Variants in PURB observed in about 807,000 individuals in gnomAD.
The protein encoded by PURB is transcriptional regulator protein Pur-beta.
Under a neutral mutation model 21.1 loss-of-function variants are expected in PURB, and 11 were observed. The observed-to-expected ratio is 0.52, with a 90% confidence interval of 0.33 to 0.86. The LOEUF (loss-of-function observed/expected upper bound fraction) is 0.86, where lower values mean the gene tolerates loss of function less well. Ranked by LOEUF, PURB falls within the 40% of genes least tolerant of loss-of-function variation. The probability of loss-of-function intolerance (pLI) is 0.02; values close to 1 mark genes in which losing one functional copy is unlikely to be tolerated. For missense variants in PURB, 357 were observed against 456.5 expected (o/e 0.78, Z 1.99); for synonymous variants, 246 against 210.8 (o/e 1.17, Z -1.45).
Position 44,885,373 on chromosome 7 carries a change from A to G in PURB, c.-25T>C. The G allele has an allele frequency of 2.0e-6, 2 of 1,017,644 alleles. No homozygotes were observed. Among genetic ancestry groups the G allele is most frequent in the Non-Finnish European group, 2.4e-6 (2 of 822,794 alleles). 63.0% of individuals were successfully genotyped at this position (1,017,644 alleles called of 1,614,324 possible). On this transcript the variant is annotated 5_prime_UTR_variant, in exon 1 of 1. Transcript: ENST00000395699. ...TCTTCTAGGCCGCCGCCTCGCCGCC[A>G]CCGCCCGCCGCGCTCGCGCCCCCGC... is the stretch of plus-strand genomic sequence containing the variant.
rs770929116 is a variant in PURB at position 44,885,162 on chromosome 7, C to T, written c.187G>A (p.Glu63Lys). ...NAKGRFLKIA[E>K]VGAGGSKSRL... Reference sequence around the variant, plus strand: ...CTCTTGGAACCGCCCGCGCCCACCTCGGCGATCTTGAGGAAGCGGCCCTTG... The same window carrying T: ...CTCTTGGAACCGCCCGCGCCCACCTTGGCGATCTTGAGGAAGCGGCCCTTG... Residue 63 changes from glutamate to lysine, a missense_variant, in exon 1 of 1, where the codon GAG becomes AAG. Transcript: ENST00000395699. The T allele has an allele frequency of 6.3e-7, 1 of 1,581,302 alleles. No individual in the cohort carries two copies. The highest frequency in any genetic ancestry group is 1.4e-5 in the African/African-American group (1 of 71,178).
Position 44,880,959 on chromosome 7 carries a change from T to A in PURB, c.*3451A>T, listed in dbSNP as rs1398908338. On this transcript the variant is annotated 3_prime_UTR_variant, in exon 1 of 1. Transcript: ENST00000395699. ...TGCCATACAGATTTATATTTTGTTCTTGTGCAGCATATGCACTGAAAAACT... is the reference window on the plus strand; with the variant it reads ...TGCCATACAGATTTATATTTTGTTCATGTGCAGCATATGCACTGAAAAACT... The A allele has an allele frequency of 6.6e-6, 1 of 152,668 alleles. No individual in the cohort carries two copies. The highest frequency in any genetic ancestry group is 1.5e-5 in the Non-Finnish European group (1 of 68,050). 9.5% of individuals were successfully genotyped at this position (152,668 alleles called of 1,614,324 possible).
chr7:44,880,473 T>C lies in PURB; in HGVS notation c.*3937A>G, dbSNP rs539113049. 8 of 152,642 alleles carry C rather than the reference T, an allele frequency of 5.2e-5. No individual in the cohort carries two copies. The highest frequency in any genetic ancestry group is 1.9e-4 in the East Asian group (1 of 5,202). 9.5% of individuals were successfully genotyped at this position (152,642 alleles called of 1,614,324 possible). The stretch of plus-strand genomic sequence containing the variant: ...AATTTCATCCACCTCAAGAGCAAGA[T>C]AGATGCAAAGTCACCTTGTGTAGAT... On this transcript the variant is annotated 3_prime_UTR_variant, in exon 1 of 1. Transcript: ENST00000395699.
rs765206386 is a variant in PURB, at chr7:44,885,032, G to A, written c.317C>T (p.Ala106Val). 3 of 1,549,098 alleles carry A rather than the reference G, an allele frequency of 1.9e-6. No individual in the cohort carries two copies. Among genetic ancestry groups the A allele is most frequent in the South Asian group, 1.2e-5 (1 of 85,354 alleles). Residue 106 changes from alanine (A) to valine (V), a missense_variant, in exon 1 of 1, where the codon GCG becomes GTG. Ala to Val is a moderately conservative substitution (Grantham distance 64). Coordinates refer to ENST00000395699, the MANE Select transcript of PURB (RefSeq NM_033224.5). ...CCCGCCGCCCTCCTCGGCGCCAGCC[G>A]CCAGCTGCTCGGGGCTGCTAGGGCC... ...QLGPSSPEQL[A>V]AGAEEGGGPR... is the part of the protein sequence containing the mutation.
rs1793817894 is a variant in PURB, at chr7:44,877,536, C to G, written c.*6874G>C. 1 of 152,238 alleles carries G rather than the reference C, an allele frequency of 6.6e-6. No individual in the cohort carries two copies. The highest frequency in any genetic ancestry group is 6.5e-5 in the Admixed American group (1 of 15,276). The allele number at this position is 152,238 out of a possible 1,614,324, so 9.4% of individuals were successfully genotyped here. A position where few individuals can be genotyped will look rare whatever the true frequency, so the allele number is the denominator to read the frequency against. ...TCAGAGAGTAGGCTAGGCGTGATGGCTCATGCCTGTAATTCCAGCATTTTG... is the reference window on the plus strand; with the variant it reads ...TCAGAGAGTAGGCTAGGCGTGATGGGTCATGCCTGTAATTCCAGCATTTTG... On this transcript the variant is annotated 3_prime_UTR_variant, in exon 1 of 1. Coordinates refer to ENST00000395699, the MANE Select transcript of PURB (RefSeq NM_033224.5).
Position 44,883,038 on chromosome 7 carries a change from G to A in PURB, c.*1372C>T, listed in dbSNP as rs1354805824. 1.3e-5 allele frequency: 2 copies of A among 152,524 alleles called. No individual in the cohort carries two copies. The highest frequency in any genetic ancestry group is 4.8e-5 in the African/African-American group (2 of 41,456). The allele number at this position is 152,524 out of a possible 1,614,324, so 9.4% of individuals were successfully genotyped here. A position where few individuals can be genotyped will look rare whatever the true frequency, so the allele number is the denominator to read the frequency against. On this transcript the variant is annotated 3_prime_UTR_variant, in exon 1 of 1. Transcript: ENST00000395699. The stretch of plus-strand genomic sequence containing the variant: ...GGTATAAAAATGCTTCCAGGATATA[G>A]TCAGCATATTCACGTTCACTTCAGT...
rs1246139442 is a variant in PURB at position 44,877,192 on chromosome 7, G to C, written c.*7218C>G. On this transcript the variant is annotated 3_prime_UTR_variant, in exon 1 of 1. Transcript: ENST00000395699. Reference sequence around the variant, plus strand: ...CCACTGGTAGATACTATGATTGGCAGTGAAGATTCCTATAGAACGGAAAGT... The same window carrying C: ...CCACTGGTAGATACTATGATTGGCACTGAAGATTCCTATAGAACGGAAAGT... 6.6e-6 allele frequency: 1 copy of C among 152,614 alleles called. No individual in the cohort carries two copies. Among genetic ancestry groups the C allele is most frequent in the African/African-American group, 2.4e-5 (1 of 41,460 alleles). The allele number at this position is 152,614 out of a possible 1,614,324, so 9.5% of individuals were successfully genotyped here.
rs993633067 is a variant in PURB at position 44,883,180 on chromosome 7, A to T, written c.*1230T>A. ...AATGGATCAAGTTCTTAAAAATTTTAAAAGAATAAATGATGCTGGAATTCT... is the reference window on the plus strand; with the variant it reads ...AATGGATCAAGTTCTTAAAAATTTTTAAAGAATAAATGATGCTGGAATTCT... On this transcript the variant is annotated 3_prime_UTR_variant, in exon 1 of 1. Transcript: ENST00000395699. 1.3e-5 allele frequency: 2 copies of T among 152,628 alleles called. No individual in the cohort carries two copies. Among genetic ancestry groups the T allele is most frequent in the African/African-American group, 4.8e-5 (2 of 41,464 alleles). 9.5% of individuals were successfully genotyped at this position (152,628 alleles called of 1,614,324 possible). A position where few individuals can be genotyped will look rare whatever the true frequency, so the allele number is the denominator to read the frequency against.
rs771160776 is a variant in PURB, at chr7:44,884,616, G to A, written c.733C>T (p.Leu245=). 1.2e-6 allele frequency: 2 copies of A among 1,614,222 alleles called. No individual in the cohort carries two copies. Among genetic ancestry groups the A allele is most frequent in the South Asian group, 1.1e-5 (1 of 91,088 alleles). Residue 245 remains leucine, a synonymous_variant, in exon 1 of 1, where the codon CTG becomes TTG. Coordinates refer to ENST00000395699, the MANE Select transcript of PURB (RefSeq NM_033224.5). ...DVGCNKYGVF[L]RVSEVKPSYR... is the part of the protein sequence containing the mutation. ...GACGGCTTCACCTCGCTCACTCGCA[G>A]AAACACCCCGTATTTGTTGCAGCCC...
chr7:44,880,914 G>C lies in PURB; in HGVS notation c.*3496C>G, dbSNP rs1223542467. 6.6e-6 allele frequency: 1 copy of C among 152,568 alleles called. No individual in the cohort carries two copies. Among genetic ancestry groups the C allele is most frequent in the Non-Finnish European group, 1.5e-5 (1 of 68,012 alleles). The allele number at this position is 152,568 out of a possible 1,614,324, so 9.5% of individuals were successfully genotyped here. A position where few individuals can be genotyped will look rare whatever the true frequency, so the allele number is the denominator to read the frequency against. ...ATAGGGTGTTTGGGTTTTTGGTTTGGTTTTCACTTTGATTTTTGGTGCCAT... is the reference window on the plus strand; with the variant it reads ...ATAGGGTGTTTGGGTTTTTGGTTTGCTTTTCACTTTGATTTTTGGTGCCAT... On this transcript the variant is annotated 3_prime_UTR_variant, in exon 1 of 1. Coordinates refer to ENST00000395699, the MANE Select transcript of PURB (RefSeq NM_033224.5).
rs1793913790 is a variant in PURB, at chr7:44,883,741, T to G, written c.*669A>C. 1 of 152,438 alleles carries G rather than the reference T, an allele frequency of 6.6e-6. No individual in the cohort carries two copies. The highest frequency in any genetic ancestry group is 6.5e-5 in the Admixed American group (1 of 15,282). The allele number at this position is 152,438 out of a possible 1,614,324, so 9.4% of individuals were successfully genotyped here. On this transcript the variant is annotated 3_prime_UTR_variant, in exon 1 of 1. Coordinates refer to ENST00000395699, the MANE Select transcript of PURB (RefSeq NM_033224.5). ...AAAAGACATTTGCCTTGGTCCAGGT[T>G]CCATGCAAAACCATTTTTTTAAAAA...
Position 44,884,338 on chromosome 7 carries a change from T to G in PURB, c.*72A>C. The G allele has an allele frequency of 6.4e-7, 1 of 1,561,144 alleles. No individual in the cohort carries two copies. ...TCCCTCTCCACTAGCTCACTGGGGA[T>G]GAGCAGGAAAGGGAATTCTCTAGCC... On this transcript the variant is annotated 3_prime_UTR_variant, in exon 1 of 1. Transcript: ENST00000395699.
rs1793929445 is a variant in PURB at position 44,884,701 on chromosome 7, A to G, written c.648T>C (p.Tyr216=). The G allele has an allele frequency of 7.4e-6, 12 of 1,613,808 alleles. No homozygotes were observed. Among genetic ancestry groups the G allele is most frequent in the Non-Finnish European group, 9.3e-6 (11 of 1,180,016 alleles). Residue 216 remains tyrosine (Y), a synonymous_variant, in exon 1 of 1, where the codon TAT becomes TAC. Coordinates refer to ENST00000395699, the MANE Select transcript of PURB (RefSeq NM_033224.5). The part of the protein sequence containing the change: ...GGAGGPGGGL[Y]GELPEGTSIT... ...TGGAGGTGCCCTCCGGGAGCTCTCCATACAGGCCGCCCCCTGGGCCCCCGG... is the reference window on the plus strand; with the variant it reads ...TGGAGGTGCCCTCCGGGAGCTCTCCGTACAGGCCGCCCCCTGGGCCCCCGG...
rs1268370948 is a variant in PURB, at chr7:44,878,143, G to C, written c.*6267C>G. The C allele has an allele frequency of 2.0e-5, 3 of 152,140 alleles. No homozygotes were observed. Among genetic ancestry groups the C allele is most frequent in the Non-Finnish European group, 2.9e-5 (2 of 68,022 alleles). The allele number at this position is 152,140 out of a possible 1,614,324, so 9.4% of individuals were successfully genotyped here. Reference sequence around the variant, plus strand: ...TAAGAAATAAGAGATGGCCTAAATGGATATTTTGGAAAAAGTTAGCTATTG... The same window carrying C: ...TAAGAAATAAGAGATGGCCTAAATGCATATTTTGGAAAAAGTTAGCTATTG... On this transcript the variant is annotated 3_prime_UTR_variant, in exon 1 of 1. Coordinates refer to ENST00000395699, the MANE Select transcript of PURB (RefSeq NM_033224.5).
At position 44,883,464 on chromosome 7, in the gene PURB, C is replaced by G. The variant is rs1240152759; in HGVS notation, c.*946G>C. ...GATCTGGCTCTCATTCATACCAAAG[C>G]ATTTCTTGGTAATGACCTCCATATT... On this transcript the variant is annotated 3_prime_UTR_variant, in exon 1 of 1. Coordinates refer to ENST00000395699, the MANE Select transcript of PURB (RefSeq NM_033224.5). The G allele has an allele frequency of 6.6e-6, 1 of 152,230 alleles. No homozygotes were observed. Among genetic ancestry groups the G allele is most frequent in the African/African-American group, 2.4e-5 (1 of 41,262 alleles). 9.4% of individuals were successfully genotyped at this position (152,230 alleles called of 1,614,324 possible). A position where few individuals can be genotyped will look rare whatever the true frequency, so the allele number is the denominator to read the frequency against.
rs890310648 is a variant in PURB, at chr7:44,885,485, C to G, written c.-137G>C. 1.1e-5 allele frequency: 2 copies of G among 185,548 alleles called. No homozygotes were observed. Among genetic ancestry groups the G allele is most frequent in the East Asian group, 1.9e-4 (1 of 5,316 alleles). 11.5% of individuals were successfully genotyped at this position (185,548 alleles called of 1,614,324 possible). On this transcript the variant is annotated 5_prime_UTR_variant, in exon 1 of 1. Coordinates refer to ENST00000395699, the MANE Select transcript of PURB (RefSeq NM_033224.5). ...CCGCTCATCGCCGGCCGCCGCCGCC[C>G]CCCCATCGCCTCCGCGCCCCGCCCC...
At position 44,884,728 on chromosome 7, in the gene PURB, G is replaced by A. The variant is rs759218110; in HGVS notation, c.621C>T (p.Gly207=). The A allele has an allele frequency of 2.2e-5, 35 of 1,612,036 alleles. No individual in the cohort carries two copies. The highest frequency in any genetic ancestry group is 2.7e-5 in the African/African-American group (2 of 74,894). ...DDELAGGPGG[G]AGGPGGGLYG... ...ACAGGCCGCCCCCTGGGCCCCCGGCGCCGCCTCCCGGGCCGCCTGCCAGCT... is the reference window on the plus strand; with the variant it reads ...ACAGGCCGCCCCCTGGGCCCCCGGCACCGCCTCCCGGGCCGCCTGCCAGCT... Residue 207 remains glycine (G), a synonymous_variant, in exon 1 of 1, where the codon GGC becomes GGT. Transcript: ENST00000395699.
Position 44,885,297 on chromosome 7 carries a change from C to T in PURB, c.52G>A (p.Gly18Arg). The change falls in exon 1 of 1, where the codon GGG becomes AGG. Residue 18 changes from glycine (G) to arginine (R), a missense_variant. Gly to Arg is a moderately radical substitution (Grantham distance 125). Transcript: ENST00000395699. ...SERGGGGGPC[G>R]FQPASRGGGE... Reference sequence around the variant, plus strand: ...CCGCCGCGGGACGCGGGCTGGAACCCGCACGGCCCACCGCCGCCGCCGCGC... The same window carrying T: ...CCGCCGCGGGACGCGGGCTGGAACCTGCACGGCCCACCGCCGCCGCCGCGC... 1 of 1,496,222 alleles carries T rather than the reference C, an allele frequency of 6.7e-7. No individual in the cohort carries two copies. Among genetic ancestry groups the T allele is most frequent in the South Asian group, 1.3e-5 (1 of 79,116 alleles). The allele number at this position is 1,496,222 out of a possible 1,614,324, so 92.7% of individuals were successfully genotyped here.
In PURB at chr7:44,884,160, A is replaced by T; in HGVS notation, c.*250T>A. On this transcript the variant is annotated 3_prime_UTR_variant, in exon 1 of 1. Coordinates refer to ENST00000395699, the MANE Select transcript of PURB (RefSeq NM_033224.5). ...AAACAACAGAAGCTGAGACAATTTTACGCAGGTGAGGAGATGCTGTTTTCC... is the reference window on the plus strand; with the variant it reads ...AAACAACAGAAGCTGAGACAATTTTTCGCAGGTGAGGAGATGCTGTTTTCC... 1 of 804,980 alleles carries T rather than the reference A, an allele frequency of 1.2e-6. No individual in the cohort carries two copies. The highest frequency in any genetic ancestry group is 2.1e-5 in the South Asian group (1 of 48,678). 49.9% of individuals were successfully genotyped at this position (804,980 alleles called of 1,614,324 possible).
Sources: allele counts gnomAD v4.1 joint callset, GRCh38; gene constraint gnomAD v4.1.1; transcripts MANE v1.5; gene names NCBI Gene and HGNC (gene_info 2026-07-23, HGNC 2026-07-21).